The following NCAM1 variants were observed in gnomAD, a reference collection of about 807,000 sequenced individuals.
NCAM1 encodes the protein neural cell adhesion molecule 1, also known as antigen recognized by monoclonal antibody 5.1H11.
In NCAM1, 14 loss-of-function variants were observed where a neutral mutation model predicts 109.8. The observed-to-expected ratio is 0.13, with a 90% CI of 0.08 to 0.20. The LOEUF (loss-of-function observed/expected upper bound fraction) is 0.20, where lower values mean the gene tolerates loss of function less well. NCAM1 is among the 10% of genes least tolerant of loss of function. The pLI is 1.00. For synonymous variants in NCAM1, 418 were observed against 442.9 expected (o/e 0.94, Z 0.70); for missense variants, 774 against 1,109.9 (o/e 0.70, Z 4.30).
At chr11:113,238,858 A>AC (rs1945248488) in intron 14 of NCAM1, among the ~76,000 whole-genome samples, 1 of 152,256 alleles carries the variant, frequency 6.6e-6, no homozygotes, top group African/African-American at 2.4e-5. Flanking sequence ...AAGAGAAGGC[A>AC]CAGAGTCAGC....
At chr11:113,055,780 G>A (rs1340322441) in intron 1 of NCAM1, among the ~76,000 whole-genome samples, 5 of 151,532 alleles carry the variant, frequency 3.3e-5, no homozygotes, top group African/African-American at 1.2e-4. Context: ...GTTTGATATG[G>A]AGGTTCCTCA....
chr11:113,022,297 G>A (rs1952410953), intron 1 of NCAM1, among the ~76,000 whole-genome samples: 1 of 152,178 alleles, frequency 6.6e-6, no homozygotes, highest in Admixed American at 6.5e-5. Flanking sequence ...TGACTCTAGG[G>A]AAGAGGATAA....
chr11:113,175,175 A>G (rs1044440171), intron 1 of NCAM1, among the ~76,000 whole-genome samples: 1 of 152,222 alleles, frequency 6.6e-6, no homozygotes, highest in Admixed American at 6.5e-5. Flanking sequence ...AGTTGTTGTC[A>G]AAAGGTTGAC....
chr11:112,992,366 T>A (rs1253358593), intron 1 of NCAM1, among the ~76,000 whole-genome samples: 1 of 152,186 alleles, frequency 6.6e-6, no homozygotes, highest in South Asian at 2.1e-4. Context: ...AAATAATATA[T>A]TTTTATGTTT....
intron 1 of NCAM1, among the ~76,000 whole-genome samples, chr11:112,989,361 G>T (rs1402894256): frequency 6.6e-6 from 1 of 151,870 alleles, no homozygotes; most frequent in Non-Finnish European, 1.5e-5. Context: ...ATTTGAGTTT[G>T]CACATTCTTT....
At chr11:113,217,494 A>G (rs535284182) in intron 8 of NCAM1, among the ~76,000 whole-genome samples, 188 of 152,144 alleles carry the variant, frequency 1.2e-3, no homozygotes, top group African/African-American at 4.3e-3. Flanking sequence ...TCAGTTCACT[A>G]GTGCTCCCCT....
chr11:113,188,013 A>G (rs1312930857), intron 1 of NCAM1, among the ~76,000 whole-genome samples: 1 of 152,348 alleles, frequency 6.6e-6, no homozygotes, highest in Admixed American at 6.5e-5. Context: ...GTATGTATTC[A>G]TATAGATCAG....
At chr11:113,202,841 T>G (rs1836795) in intron 2 of NCAM1, among the ~76,000 whole-genome samples, 5,078 of 152,312 alleles carry the variant, frequency 0.033, 170 homozygotes, top group East Asian at 0.075. Context: ...TGTTTAAGGC[T>G]TATTTCTTAG....
intron 1 of NCAM1, among the ~76,000 whole-genome samples, chr11:113,167,479 T>A (rs892675918): frequency 6.6e-6 from 1 of 151,564 alleles, no homozygotes; most frequent in Non-Finnish European, 1.5e-5. Context: ...GTGGGTGTCA[T>A]TTGCTATAGG....
chr11:113,052,176 A>T (rs1953526671), intron 1 of NCAM1, among the ~76,000 whole-genome samples: 1 of 152,218 alleles, frequency 6.6e-6, no homozygotes, highest in South Asian at 2.1e-4. Flanking sequence ...CCTTAGCTGA[A>T]TTGGATGTGC....
chr11:113,260,271 C>G lies in NCAM1; in HGVS notation c.2079C>G (p.Ser693=). 1 of 1,613,946 alleles carries G rather than the reference C, an allele frequency of 6.2e-7. No homozygotes were observed. The change falls in exon 17 of 20, where the codon TCC becomes TCG. Residue 693 remains serine (S), a synonymous_variant. Coordinates refer to ENST00000316851, the MANE Select transcript of NCAM1 (RefSeq NM_181351.5). ...TGGCTGAGAACCAGCAAGGAAAATC[C>G]AAGGCGGCTCATTTTGTGTTCAGGA... The part of the protein sequence containing the change: ...YVVAENQQGK[S]KAAHFVFRTS...
chr11:113,114,583 T>C (rs1411534333), intron 1 of NCAM1, among the ~76,000 whole-genome samples: 7 of 152,210 alleles, frequency 4.6e-5, no homozygotes, highest in African/African-American at 1.7e-4. Context: ...TTTTTCCTCT[T>C]CAGGCACTTC....
chr11:113,149,021 G>T (rs1315825431), intron 1 of NCAM1, among the ~76,000 whole-genome samples: 1 of 152,188 alleles, frequency 6.6e-6, no homozygotes, highest in Non-Finnish European at 1.5e-5. Flanking sequence ...AACCAAAGTG[G>T]AACATCACTT....
intron 1 of NCAM1, among the ~76,000 whole-genome samples, chr11:113,138,504 A>T (rs530427881): frequency 1.8e-4 from 27 of 152,312 alleles, no homozygotes; most frequent in African/African-American, 6.5e-4. Context: ...GAACTGCCAG[A>T]GAATTGAGGA....
At chr11:113,021,718 G>A (rs1402758717) in intron 1 of NCAM1, among the ~76,000 whole-genome samples, 2 of 152,176 alleles carry the variant, frequency 1.3e-5, no homozygotes, top group African/African-American at 2.4e-5. Flanking sequence ...GGCTTATGCA[G>A]GCTTACACAA....
chr11:113,096,591 T>C (rs556091783), intron 1 of NCAM1, among the ~76,000 whole-genome samples: 5 of 152,178 alleles, frequency 3.3e-5, no homozygotes, highest in African/African-American at 7.2e-5. Context: ...GTTCATCACT[T>C]TCCTTCTCTG....
chr11:113,165,516 C>T (rs1049872156), intron 1 of NCAM1, among the ~76,000 whole-genome samples: 37 of 152,258 alleles, frequency 2.4e-4, no homozygotes, highest in African/African-American at 8.9e-4. Flanking sequence ...ATTTTAAAAG[C>T]AGGTTCAAGA....
intron 1 of NCAM1, among the ~76,000 whole-genome samples, chr11:113,027,814 T>C (rs1952596624): frequency 6.6e-6 from 1 of 152,226 alleles, no homozygotes; most frequent in South Asian, 2.1e-4. Flanking sequence ...TTTAAGGTAA[T>C]TTAAATCAAA....
At chr11:113,231,488 A>G in intron 9 of NCAM1, 157 bp from the exon 10 acceptor site, 1 of 907,068 alleles carries the variant, frequency 1.1e-6, no homozygotes, top group Non-Finnish European at 1.6e-6. Flanking sequence ...GATGGTACCT[A>G]AAGTAAGAAA....
Sources: gnomAD v4.1 joint callset for allele counts (sites outside exome capture counted in the v4.1 genomes callset) on GRCh38, gnomAD v4.1.1 for gene constraint, MANE v1.5 for transcripts, NCBI Gene and HGNC (gene_info 2026-07-23, HGNC 2026-07-21) for gene names.